USP6NL: variants seen among roughly 807,000 people sequenced by gnomAD.
The protein encoded by USP6NL is USP6 N-terminal like.
USP6NL carries 26 observed loss-of-function variants against 61.9 expected under a neutral mutation model. The ratio of observed to expected loss-of-function variants is 0.42; its 90% CI spans 0.31 to 0.58. The LOEUF (loss-of-function observed/expected upper bound fraction) is 0.58, where lower values mean the gene tolerates loss of function less well. Ranked by LOEUF, USP6NL falls within the 20% of genes least tolerant of loss-of-function variation. USP6NL has a pLI of 0.16. For missense variants in USP6NL, 1,114 were observed against 1,034.3 expected (o/e 1.08, Z -1.06); for synonymous variants, 432 against 390.1 (o/e 1.11, Z -1.27).
chr10:11,568,503 G>A (rs765227027), intron 2 of USP6NL, among the ~76,000 whole-genome samples: 8 of 152,078 alleles, frequency 5.3e-5, no homozygotes, highest in Non-Finnish European at 7.3e-5. Flanking sequence ...TTCTAAATAC[G>A]ACTGCCAAAT....
intron 2 of USP6NL, among the ~76,000 whole-genome samples, chr10:11,530,534 C>G (rs965783320): frequency 1.3e-5 from 2 of 152,144 alleles, no homozygotes; most frequent in African/African-American, 4.8e-5. Flanking sequence ...TTAAAGTGAT[C>G]AGAACAGTTA....
chr10:11,556,616 C>T (rs1836714935), intron 2 of USP6NL, among the ~76,000 whole-genome samples: 1 of 152,124 alleles, frequency 6.6e-6, no homozygotes, highest in African/African-American at 2.4e-5. Context: ...CTAAAGAAAT[C>T]TGATAACACT....
chr10:11,479,581 G>GTT (rs1349908671), intron 14 of USP6NL, among the ~76,000 whole-genome samples: 14 of 141,946 alleles, frequency 9.9e-5, no homozygotes, highest in African/African-American at 1.5e-4. Flanking sequence ...TTTTTTTTTG[G>GTT]TTTTTTTTTT....
chr10:11,493,069 A>G, intron 8 of USP6NL, 50 bp downstream of exon 8: 1 of 1,481,634 alleles, frequency 6.7e-7, no homozygotes, highest in Non-Finnish European at 9.2e-7. Context: ...AAGTTAATAA[A>G]GACTATTTAT....
intron 2 of USP6NL, among the ~76,000 whole-genome samples, chr10:11,527,826 G>C (rs183858757): frequency 6.6e-6 from 1 of 151,962 alleles, no homozygotes; most frequent in African/African-American, 2.4e-5. Context: ...AATCAATTTC[G>C]GATCTAAAAT....
At position 11,490,783 on chromosome 10, in the gene USP6NL, T is replaced by G. The variant is rs1159571556; in HGVS notation, c.543+49A>C. On this transcript the variant is annotated intron_variant, in intron 9 of 14. Coordinates refer to ENST00000609104, the MANE Select transcript of USP6NL (RefSeq NM_014688.5). This position sits in a 1 kb window ranked among gnomAD's most constrained non-coding sequence, Gnocchi z 4.5. ...CCACAGGGCCCTGCTAAGTAGGGAG[T>G]ACCTCAGAATACAACTCAAAGACCT... 6.6e-7 allele frequency: 1 copy of G among 1,523,778 alleles called. No homozygotes were observed. Among genetic ancestry groups the G allele is most frequent in the East Asian group, 2.5e-5 (1 of 40,682 alleles). 94.4% of individuals were successfully genotyped at this position (1,523,778 alleles called of 1,614,324 possible).
At chr10:11,501,997 G>T (rs932128155) in intron 6 of USP6NL, among the ~76,000 whole-genome samples, 4 of 152,120 alleles carry the variant, frequency 2.6e-5, no homozygotes, top group African/African-American at 9.7e-5. Flanking sequence ...AGTGGCTCAC[G>T]CCTGTAATCC....
chr10:11,503,349 C>T (rs750488352), intron 6 of USP6NL, among the ~76,000 whole-genome samples: 2 of 152,054 alleles, frequency 1.3e-5, no homozygotes, highest in Non-Finnish European at 2.9e-5. Flanking sequence ...GTTGCTGTTG[C>T]TCAATTCTGT....
chr10:11,599,087 A>G (rs1838422848), intron 1 of USP6NL, among the ~76,000 whole-genome samples: 1 of 152,220 alleles, frequency 6.6e-6, no homozygotes, highest in South Asian at 2.1e-4. Flanking sequence ...ACATGATGAA[A>G]GTTTCTCACA....
rs1035255986 is a variant in USP6NL at position 11,532,617 on chromosome 10, C to T, written c.5-5050G>A. Among the ~76,000 whole-genome samples, 2 of 152,084 alleles carry T rather than the reference C, an allele frequency of 1.3e-5. No homozygotes were observed. The highest frequency in any genetic ancestry group is 2.4e-5 in the African/African-American group (1 of 41,412). On this transcript the variant is annotated intron_variant, in intron 2 of 14. Coordinates refer to ENST00000609104, the MANE Select transcript of USP6NL (RefSeq NM_014688.5). The surrounding 1 kb of genome is among the most constrained non-coding windows in gnomAD (Gnocchi z 4.1). Reference sequence around the variant, plus strand: ...CATAATGTGCCTTCATCTTGTGTCTCGATATTAGCCACTTTCTTATTTCTT... The same window carrying T: ...CATAATGTGCCTTCATCTTGTGTCTTGATATTAGCCACTTTCTTATTTCTT...
intron 2 of USP6NL, among the ~76,000 whole-genome samples, chr10:11,586,262 G>A (rs1837958224): frequency 6.6e-6 from 1 of 151,784 alleles, no homozygotes; most frequent in African/African-American, 2.4e-5. Flanking sequence ...AAAATAATTA[G>A]GCATAAAAAG....
chr10:11,500,962 G>T (rs1834159843), intron 7 of USP6NL, 139 bp downstream of exon 7: 1 of 584,996 alleles, frequency 1.7e-6, no homozygotes, highest in Non-Finnish European at 2.7e-6. Flanking sequence ...AAAACAAATA[G>T]ACCTCCAAAA....
At position 11,463,683 on chromosome 10, in the gene USP6NL, G is replaced by C. The variant is rs1200479128; in HGVS notation, c.1245C>G (p.Ser415=). ...TCCCGGTCCTGCTCTGGGGGTGCGGGGAGTGCTCGTGCCTCCTGTGGGGCG... is the reference window on the plus strand; with the variant it reads ...TCCCGGTCCTGCTCTGGGGGTGCGGCGAGTGCTCGTGCCTCCTGTGGGGCG... ...SGAPHRRHEH[S]PHPQSRTGTP... The change falls in exon 15 of 15, where the codon TCC becomes TCG. Residue 415 remains serine (S), a synonymous_variant. Coordinates refer to ENST00000609104, the MANE Select transcript of USP6NL (RefSeq NM_014688.5). This position sits in a 1 kb window ranked among gnomAD's most constrained non-coding sequence, Gnocchi z 6.3. The C allele has an allele frequency of 6.2e-7, 1 of 1,613,756 alleles. No homozygotes were observed. Among genetic ancestry groups the C allele is most frequent in the East Asian group, 2.2e-5 (1 of 44,854 alleles).
rs547261539 is a variant in USP6NL at position 11,519,056 on chromosome 10, G to A, written c.156-482C>T. 8.5e-5 allele frequency among the ~76,000 whole-genome samples: 13 copies of A among 152,234 alleles called. No homozygotes were observed. The South Asian group carries it at 2.3e-3, about 27-fold the overall frequency. On this transcript the variant is annotated intron_variant, in intron 4 of 14. Coordinates refer to ENST00000609104, the MANE Select transcript of USP6NL (RefSeq NM_014688.5). ...TATTTGAGACTTTCTGGGCCATACC[G>A]TCTTTTTCACAACGATAGCTCTGAT...
intron 1 of USP6NL, among the ~76,000 whole-genome samples, chr10:11,606,185 T>C (rs1247435720): frequency 6.6e-6 from 1 of 152,204 alleles, no homozygotes; most frequent in African/African-American, 2.4e-5. Flanking sequence ...AGCTGACTTC[T>C]GAATAGAAAC....
At chr10:11,607,171 C>A (rs1838734186) in intron 1 of USP6NL, among the ~76,000 whole-genome samples, 1 of 152,108 alleles carries the variant, frequency 6.6e-6, no homozygotes, top group Non-Finnish European at 1.5e-5. Flanking sequence ...CAGGGAAATA[C>A]ACAAAAAACA....
chr10:11,519,209 A>G (rs757719982), intron 4 of USP6NL, among the ~76,000 whole-genome samples: 3 of 152,202 alleles, frequency 2.0e-5, no homozygotes, highest in Non-Finnish European at 4.4e-5. Flanking sequence ...CCTCTGCTTT[A>G]GACCACCACC....
In USP6NL at chr10:11,575,932, G is replaced by A. The variant is rs535919008; in HGVS notation, c.4+21699C>T. Among the ~76,000 whole-genome samples, 1 of 152,266 alleles carries A rather than the reference G, an allele frequency of 6.6e-6. No individual in the cohort carries two copies. The highest frequency in any genetic ancestry group is 2.1e-4 in the South Asian group (1 of 4,826). On this transcript the variant is annotated intron_variant, in intron 2 of 14. Coordinates refer to ENST00000609104, the MANE Select transcript of USP6NL (RefSeq NM_014688.5). The surrounding 1 kb of genome is among the most constrained non-coding windows in gnomAD (Gnocchi z 4.2). ...AGGGGAAATACGGGACATTTTGGGA[G>A]AAGAGGTGAAATTTGAATATAGTCT...
chr10:11,543,803 G>GTTTTTTT (rs781443038), intron 2 of USP6NL, among the ~76,000 whole-genome samples: 8 of 76,390 alleles, frequency 1.0e-4, no homozygotes, highest in Non-Finnish European at 1.5e-4. Flanking sequence ...AAATATTTAG[G>GTTTTTTT]TTTTTTTTTT....
Sources: gnomAD v4.1 joint callset for allele counts (sites outside exome capture counted in the v4.1 genomes callset) on GRCh38, gnomAD v4.1.1 for gene constraint, Gnocchi (gnomAD v3.1) non-coding constraint, MANE v1.5 for transcripts, NCBI Gene and HGNC (gene_info 2026-07-23, HGNC 2026-07-21) for gene names.